The following GAK variants were observed in gnomAD, a reference collection of about 807,000 sequenced individuals.
The protein encoded by GAK is cyclin G associated kinase, also known as cyclin-G-associated kinase.
A neutral mutation model predicts 143.9 loss-of-function variants in GAK; 79 were observed. The ratio of observed to expected loss-of-function variants is 0.55; its 90% CI spans 0.46 to 0.66. GAK has a LOEUF of 0.66. Ranked by LOEUF, GAK falls within the 30% of genes least tolerant of loss-of-function variation. GAK has a pLI of 0.00. For synonymous variants in GAK, 881 were observed against 765.5 expected, an observed-to-expected ratio of 1.15 and a Z score of -2.49; for missense variants, 1,693 against 1,779.7, an observed-to-expected ratio of 0.95 and a Z score of 0.88.
rs200910218 is a variant in GAK at position 927,629 on chromosome 4, A to G, written c.145+4414T>C. 5.8e-4 allele frequency among the ~76,000 whole-genome samples: 14 copies of G among 24,248 alleles called. 1 individual carries two copies. The highest frequency in any genetic ancestry group is 1.3e-3 in the African/African-American group (8 of 6,172). 15.9% of individuals were successfully genotyped at this position (24,248 alleles called of 152,430 possible). A position where few individuals can be genotyped will look rare whatever the true frequency, so the allele number is the denominator to read the frequency against. On this transcript the variant is annotated intron_variant, in intron 1 of 27. Transcript: ENST00000314167. The stretch of plus-strand genomic sequence containing the variant: ...CCCGCACCCCTCCCGGCTCACCTGC[A>G]GTCCGCACTGCCCCGCACCCCTCCC...
At chr4:928,730 G>A (rs964909475) in intron 1 of GAK, among the ~76,000 whole-genome samples, 1 of 152,080 alleles carries the variant, frequency 6.6e-6, no homozygotes, top group Non-Finnish European at 1.5e-5. Flanking sequence ...AATATTCACA[G>A]TGCCCTCACC....
At chr4:930,253 G>A (rs1725442898) in intron 1 of GAK, among the ~76,000 whole-genome samples, 1 of 152,258 alleles carries the variant, frequency 6.6e-6, no homozygotes, top group South Asian at 2.1e-4. Flanking sequence ...TACTTAGGAG[G>A]CTGCAGGCCA....
intron 5 of GAK, among the ~76,000 whole-genome samples, chr4:901,964 G>A (rs1319385537): frequency 5.9e-5 from 9 of 152,254 alleles, no homozygotes; most frequent in Admixed American, 1.3e-4. Context: ...CTGGCCGGGC[G>A]TGGTGTCTCA....
intron 23 of GAK, 110 bp downstream of exon 23, chr4:865,007 GCCCTT>G: frequency 7.2e-7 from 1 of 1,384,910 alleles, no homozygotes; most frequent in Middle Eastern, 1.9e-4. Flanking sequence ...GCACGCCCCA[GCCCTT>G]CCTTCCTTCT....
chr4:849,834 A>ACCCCCCCCC (rs33919242), intron 27 of GAK, 58 bp downstream of exon 27: 216 of 948,188 alleles, frequency 2.3e-4, no homozygotes, highest in South Asian at 7.3e-4. Flanking sequence ...GCGGGGCAGG[A>ACCCCCCCCC]CCCCCCCCCC....
rs145713462 is a variant in GAK at position 851,920 on chromosome 4, G to A, written c.3338C>T (p.Pro1113Leu). 1.3e-4 allele frequency: 210 copies of A among 1,613,642 alleles called. No individual in the cohort carries two copies. In the African/African-American group the frequency reaches 2.4e-3, roughly 19 times the overall value. The change falls in exon 25 of 28, where the codon CCC (proline) becomes CTC (leucine). Residue 1113 changes from proline to leucine, a missense_variant. Pro to Leu is a moderately conservative substitution (Grantham distance 98, BLOSUM62 -3). Coordinates refer to ENST00000314167, the MANE Select transcript of GAK (RefSeq NM_005255.4). The stretch of plus-strand genomic sequence containing the variant: ...TGTCTGCCAGGAGCTGCTGCCTTTG[G>A]GCGTGGTGGCCGTTTTGGGAATGAA... ...GGFIPKTATT[P>L]KGSSSWQTSR...
At chr4:894,277 C>T (rs1170082961) in intron 7 of GAK, 7 of 353,644 alleles carry the variant, frequency 2.0e-5, no homozygotes, top group South Asian at 3.7e-5. Context: ...ACGTTGGGGC[C>T]GTGGGGAGCG....
At chr4:883,197 G>A (rs1715519853) in intron 13 of GAK, 118 bp downstream of exon 13, 8 of 1,215,940 alleles carry the variant, frequency 6.6e-6, no homozygotes, top group South Asian at 1.5e-5. Context: ...AGCCCCTCAG[G>A]AGACCTCCGG....
chr4:903,020 C>G (rs899118307), intron 5 of GAK, among the ~76,000 whole-genome samples: 7 of 152,256 alleles, frequency 4.6e-5, no homozygotes, highest in African/African-American at 1.7e-4. Flanking sequence ...CAGCTCAGGG[C>G]ATGGACAGCC....
chr4:931,085 A>T (rs1054328050), intron 1 of GAK, among the ~76,000 whole-genome samples: 1 of 152,250 alleles, frequency 6.6e-6, no homozygotes, highest in African/African-American at 2.4e-5. Flanking sequence ...GAAATATGAC[A>T]CACCTCCAGG....
At chr4:895,307 T>C (rs895340735) in intron 7 of GAK, among the ~76,000 whole-genome samples, 3 of 152,240 alleles carry the variant, frequency 2.0e-5, no homozygotes, top group African/African-American at 7.2e-5. Flanking sequence ...GAGAAGGGAC[T>C]GGTGATTACT....
chr4:924,339 T>C (rs1724351695), intron 1 of GAK, among the ~76,000 whole-genome samples: 1 of 152,146 alleles, frequency 6.6e-6, no homozygotes, highest in South Asian at 2.1e-4. Flanking sequence ...AACTCTCCAC[T>C]GCAGCTGGTG....
intron 1 of GAK, among the ~76,000 whole-genome samples, chr4:924,840 G>A (rs1240583166): frequency 3.3e-5 from 5 of 151,808 alleles, no homozygotes. Flanking sequence ...CCCCCGGGGG[G>A]CTGCTCTCAG....
intron 5 of GAK, among the ~76,000 whole-genome samples, chr4:899,707 G>C (rs1229033081): frequency 6.6e-6 from 1 of 152,174 alleles, no homozygotes; most frequent in Non-Finnish European, 1.5e-5. Flanking sequence ...AGAGTGCAAG[G>C]GGACGCCCAG....
At chr4:851,580 C>G (rs192279300) in intron 25 of GAK, 170 bp downstream of exon 25, 11 of 669,302 alleles carry the variant, frequency 1.6e-5, no homozygotes, top group Non-Finnish European at 2.8e-5. Context: ...AGGCCTGACC[C>G]AGAGAGAGAC....
chr4:875,060 A>G (rs562151551), intron 18 of GAK, among the ~76,000 whole-genome samples: 1 of 152,278 alleles, frequency 6.6e-6, no homozygotes, highest in Admixed American at 6.5e-5. Flanking sequence ...TGAAATTCCC[A>G]TCATTCCCCC....
At chr4:907,866 T>A (rs1288858051) in intron 4 of GAK, among the ~76,000 whole-genome samples, 1 of 152,018 alleles carries the variant, frequency 6.6e-6, no homozygotes, top group East Asian at 1.9e-4. Flanking sequence ...TCCCCAGGAG[T>A]GAGCTGGCGC....
intron 5 of GAK, among the ~76,000 whole-genome samples, chr4:900,329 G>C (rs563531479): frequency 6.6e-6 from 1 of 152,254 alleles, no homozygotes; most frequent in African/African-American, 2.4e-5. Flanking sequence ...CAGCCGTCCA[G>C]ACTCCCACGG....
chr4:931,679 C>T (rs1015006619), intron 1 of GAK, among the ~76,000 whole-genome samples: 2 of 152,190 alleles, frequency 1.3e-5, no homozygotes, highest in African/African-American at 4.8e-5. Flanking sequence ...AAGCTCCCTG[C>T]CTGCCACCAT....
Sources: allele counts gnomAD v4.1 joint callset (sites outside exome capture counted in the v4.1 genomes callset), GRCh38; gene constraint gnomAD v4.1.1; transcripts MANE v1.5; gene names NCBI Gene and HGNC (gene_info 2026-07-23, HGNC 2026-07-21).